The following PDE7A variants were observed in gnomAD, a reference collection of about 807,000 sequenced individuals.
PDE7A encodes the protein high affinity 3',5'-cyclic-AMP phosphodiesterase 7A.
PDE7A carries 39 observed loss-of-function variants against 64.3 expected under a neutral mutation model. That is an observed-to-expected ratio of 0.61 (90% CI 0.47 to 0.79). The LOEUF is 0.79. Ranked by LOEUF, PDE7A falls within the 30% of genes least tolerant of loss-of-function variation. PDE7A has a pLI of 0.00. For missense variants in PDE7A, 470 were observed against 582.8 expected (o/e 0.81, Z 1.99); for synonymous variants, 203 against 206.8 (o/e 0.98, Z 0.16).
chr8:65,800,626 T>C (rs1809963951), intron 1 of PDE7A, among the ~76,000 whole-genome samples: 1 of 152,222 alleles, frequency 6.6e-6, no homozygotes. Context: ...TTGGTTTTAC[T>C]GTGCCAGGTG....
intron 5 of PDE7A, among the ~76,000 whole-genome samples, chr8:65,744,903 A>C (rs1807601510): frequency 6.6e-6 from 1 of 152,208 alleles, no homozygotes; most frequent in Admixed American, 6.5e-5. Flanking sequence ...AGTCACTTAA[A>C]AAGAGAAAAA....
chr8:65,770,119 TTCTGTG>T (rs1809007077), intron 3 of PDE7A, among the ~76,000 whole-genome samples: 1 of 120,514 alleles, frequency 8.3e-6, no homozygotes, highest in South Asian at 2.9e-4. Flanking sequence ...TGCAGTATAC[TTCTGTG>T]TGTGTGTGTG....
chr8:65,727,173 G>C lies in PDE7A; in HGVS notation c.825C>G (p.Tyr275Ter). ...TTGATGATAAAATTGCACTAACCTT[G>C]TATAAAGTTGCCAAGTAATGGTTAG... ...IKTNHYLATL[Y>*]KNTSVLENHH... Residue 275 changes from tyrosine (Y) to a stop codon, truncating the protein, a stop_gained, in exon 8 of 13, where the codon TAC becomes TAG. Coordinates refer to ENST00000401827, the MANE Select transcript of PDE7A (RefSeq NM_001242318.3). LOFTEE classifies it high-confidence loss of function. The C allele has an allele frequency of 6.4e-7, 1 of 1,559,528 alleles. No individual in the cohort carries two copies. The highest frequency in any genetic ancestry group is 8.8e-7 in the Non-Finnish European group (1 of 1,130,974).
intron 1 of PDE7A, among the ~76,000 whole-genome samples, chr8:65,832,959 T>A (rs1810869043): frequency 6.6e-6 from 1 of 152,214 alleles, no homozygotes; most frequent in Non-Finnish European, 1.5e-5. Flanking sequence ...AGAGTCAGCA[T>A]GACCTAGAGT....
chr8:65,760,157 TTGAACC>T (rs1808423448), intron 3 of PDE7A, among the ~76,000 whole-genome samples: 1 of 152,074 alleles, frequency 6.6e-6, no homozygotes. Context: ...GGAGAATCAT[TTGAACC>T]TGGGAAGTAG....
chr8:65,804,337 A>G (rs1045629364), intron 1 of PDE7A, among the ~76,000 whole-genome samples: 2 of 152,132 alleles, frequency 1.3e-5, no homozygotes, highest in Non-Finnish European at 2.9e-5. Flanking sequence ...ACTTTTACCC[A>G]ATTTATTTCC....
chr8:65,723,718 A>C, intron 11 of PDE7A, 97 bp from the exon 12 acceptor site: 1 of 831,238 alleles, frequency 1.2e-6, no homozygotes, highest in Non-Finnish European at 1.7e-6. Flanking sequence ...TCTTAGGAAA[A>C]ACATACTTAA....
intron 1 of PDE7A, among the ~76,000 whole-genome samples, chr8:65,809,436 C>T (rs1224757090): frequency 1.3e-5 from 2 of 151,896 alleles, no homozygotes; most frequent in South Asian, 4.1e-4. Flanking sequence ...TTTAAGTTAC[C>T]TCAAAAAATC....
intron 3 of PDE7A, among the ~76,000 whole-genome samples, chr8:65,750,492 G>GTGTGTC (rs1350935631): frequency 3.0e-5 from 4 of 135,256 alleles, no homozygotes; most frequent in Admixed American, 1.5e-4. Flanking sequence ...GTGTGTGTGT[G>GTGTGTC]TGTGTGTGTG....
In PDE7A at chr8:65,810,653, G is replaced by A. The variant is rs148507543; in HGVS notation, c.139-27810C>T. On this transcript the variant is annotated intron_variant, in intron 1 of 12. Coordinates refer to ENST00000401827, the MANE Select transcript of PDE7A (RefSeq NM_001242318.3). The stretch of plus-strand genomic sequence containing the variant: ...AAATTAATATTAGAATATCCACTAA[G>A]GTAATTTACTATATTAGAGCAAAGG... Among the ~76,000 whole-genome samples, 5 of 151,714 alleles carry A rather than the reference G, an allele frequency of 3.3e-5. No individual in the cohort carries two copies. In the East Asian group the frequency reaches 9.7e-4, roughly 29 times the overall value.
chr8:65,829,929 A>AC, intron 1 of PDE7A, among the ~76,000 whole-genome samples: 1 of 152,238 alleles, frequency 6.6e-6, no homozygotes, highest in South Asian at 2.1e-4. Context: ...GGTCATGTAT[A>AC]CCCCTGGAAG....
At chr8:65,759,579 A>G (rs758910736) in intron 3 of PDE7A, among the ~76,000 whole-genome samples, 8 of 152,218 alleles carry the variant, frequency 5.3e-5, no homozygotes, top group Non-Finnish European at 8.8e-5. Context: ...CTAAGTGTCC[A>G]ATCAGGGCCC....
chr8:65,798,206 A>ATATATTTTTTT, intron 1 of PDE7A, among the ~76,000 whole-genome samples: 3 of 73,806 alleles, frequency 4.1e-5, no homozygotes, highest in South Asian at 4.5e-4. Context: ...ATATATATAT[A>ATATATTTTTTT]TTTTTTTTTT....
intron 1 of PDE7A, among the ~76,000 whole-genome samples, chr8:65,785,849 G>A (rs1809540702): frequency 6.6e-6 from 1 of 151,568 alleles, no homozygotes; most frequent in South Asian, 2.1e-4. Flanking sequence ...TTTTTTTAAT[G>A]TAGGAAGGGC....
At chr8:65,745,324 A>G in intron 5 of PDE7A, 83 bp downstream of exon 5, 1 of 819,588 alleles carries the variant, frequency 1.2e-6, no homozygotes, top group East Asian at 2.4e-5. Flanking sequence ...AGTACAGTAA[A>G]TGAAAGCAAC....
At chr8:65,805,914 A>G (rs1810097646) in intron 1 of PDE7A, among the ~76,000 whole-genome samples, 1 of 152,244 alleles carries the variant, frequency 6.6e-6, no homozygotes, top group Admixed American at 6.5e-5. Flanking sequence ...AGTCTTTCTT[A>G]CATCACTGTT....
At chr8:65,724,035 A>T (rs1489932868) in intron 11 of PDE7A, among the ~76,000 whole-genome samples, 3 of 152,210 alleles carry the variant, frequency 2.0e-5, no homozygotes, top group Non-Finnish European at 2.9e-5. Flanking sequence ...ATCTATACTC[A>T]TAAATGCATA....
intron 1 of PDE7A, among the ~76,000 whole-genome samples, chr8:65,796,144 A>C (rs75218966): frequency 1.5e-4 from 23 of 151,338 alleles, no homozygotes; most frequent in South Asian, 6.2e-4. Flanking sequence ...AAAAAAAAAA[A>C]CATGAATCTG....
At chr8:65,765,474 G>A (rs1400550634) in intron 3 of PDE7A, 12 of 102,052 alleles carry the variant, frequency 1.2e-4, no homozygotes, top group Non-Finnish European at 1.7e-4. Context: ...GGGCGACAGA[G>A]CGAGACTCCG....
Sources: gnomAD v4.1 joint callset for allele counts (sites outside exome capture counted in the v4.1 genomes callset) on GRCh38, gnomAD v4.1.1 for gene constraint, MANE v1.5 for transcripts, NCBI Gene and HGNC (gene_info 2026-07-23, HGNC 2026-07-21) for gene names.